Variants in PATJ observed in about 807,000 individuals in gnomAD.
The protein encoded by PATJ is PATJ crumbs cell polarity complex component.
PATJ carries 190 observed loss-of-function variants against 224.9 expected under a neutral mutation model. The observed-to-expected ratio is 0.84, with a 90% CI of 0.75 to 0.95. The LOEUF is 0.95. Among genes scored for constraint, PATJ ranks in the 40% least tolerant of loss-of-function variants. The pLI is 0.00. For synonymous variants in PATJ, 769 were observed against 820.3 expected, an observed-to-expected ratio of 0.94 and a Z score of 1.07; for missense variants, 2,121 against 2,270.3, an observed-to-expected ratio of 0.93 and a Z score of 1.34.
intron 41 of PATJ, 99 bp downstream of exon 41, chr1:62,129,044 T>A: frequency 1.5e-6 from 1 of 688,286 alleles, no homozygotes; most frequent in Non-Finnish European, 2.5e-6. Context: ...CCCAGCAGGG[T>A]GCTTGCTGAT....
At chr1:61,807,337 C>T (rs766309956) in intron 13 of PATJ, among the ~76,000 whole-genome samples, 26 of 152,026 alleles carry the variant, frequency 1.7e-4, no homozygotes, top group Non-Finnish European at 2.9e-4. Flanking sequence ...CCACCACGCT[C>T]GCTTAATTTT....
In PATJ at chr1:62,160,892, T is replaced by A; in HGVS notation, c.5503-16T>A. 6.2e-7 allele frequency: 1 copy of A among 1,613,228 alleles called. No individual in the cohort carries two copies. ...TGTTTTACCCTGGATTAAACTGAAATGTTTCTTGTTTGTAGGGAGCAGCTG... is the reference window on the plus strand; with the variant it reads ...TGTTTTACCCTGGATTAAACTGAAAAGTTTCTTGTTTGTAGGGAGCAGCTG... On this transcript the variant is annotated splice_polypyrimidine_tract_variant and intron_variant, in intron 43 of 43. Transcript: ENST00000642238.
At chr1:61,830,489 AAAACT>A (rs1206363315) in intron 16 of PATJ, among the ~76,000 whole-genome samples, 1 of 144,294 alleles carries the variant, frequency 6.9e-6, no homozygotes, top group Admixed American at 7.0e-5. Flanking sequence ...GAATTAGAAA[AAAACT>A]ATTCTAAAAT....
rs1210494099 is a variant in PATJ at position 62,021,732 on chromosome 1, T to G, written c.3959+3785T>G. 1.9e-4 allele frequency among the ~76,000 whole-genome samples: 29 copies of G among 152,106 alleles called. 1 individual carries two copies. On this transcript the variant is annotated intron_variant, in intron 29 of 43. Coordinates refer to ENST00000642238, the MANE Select transcript of PATJ (RefSeq NM_001350145.3). ...ACATATAGGAGTGATTCTGAATAAT[T>G]ATTTATTATAAGAATCCTGATTTTG...
intron 20 of PATJ, among the ~76,000 whole-genome samples, chr1:61,868,308 CCTCT>C (rs985698556): frequency 2.6e-5 from 4 of 152,274 alleles, no homozygotes; most frequent in South Asian, 2.1e-4. Context: ...TGATCTTTCT[CCTCT>C]CTCTCTATCC....
intron 27 of PATJ, chr1:61,952,501 G>A: frequency 1.4e-6 from 1 of 701,652 alleles, no homozygotes; most frequent in South Asian, 1.5e-5. Flanking sequence ...GGTTTTAAAG[G>A]TTTAGACAAT....
intron 32 of PATJ, among the ~76,000 whole-genome samples, chr1:62,082,893 C>T (rs543911353): frequency 7.2e-5 from 11 of 152,254 alleles, no homozygotes; most frequent in African/African-American, 2.6e-4. Flanking sequence ...GATCTCATCT[C>T]AGCTCTGTGC....
chr1:61,756,145 A>C (rs889059505), intron 1 of PATJ, among the ~76,000 whole-genome samples: 3 of 152,192 alleles, frequency 2.0e-5, no homozygotes, highest in Admixed American at 2.0e-4. Context: ...ATATTGCAGG[A>C]AAGTTTCTAA....
chr1:62,107,803 A>C (rs1663286444), intron 33 of PATJ, among the ~76,000 whole-genome samples: 1 of 152,228 alleles, frequency 6.6e-6, no homozygotes, highest in Non-Finnish European at 1.5e-5. Flanking sequence ...ACTTTTCCCA[A>C]CCAAAGCTTA....
chr1:61,886,086 G>A (rs1452680169), intron 22 of PATJ, among the ~76,000 whole-genome samples: 1 of 151,862 alleles, frequency 6.6e-6, no homozygotes, highest in Non-Finnish European at 1.5e-5. Context: ...TAAATGACGA[G>A]TTAATGGGTG....
intron 14 of PATJ, among the ~76,000 whole-genome samples, chr1:61,816,233 A>G (rs1336350299): frequency 6.6e-6 from 1 of 152,198 alleles, no homozygotes; most frequent in East Asian, 1.9e-4. Context: ...GTTACTGTTC[A>G]GTTACCAGGG....
chr1:62,100,430 G>A lies in PATJ; in HGVS notation c.4378-8007G>A, dbSNP rs1244739637. 3.8e-5 allele frequency: 27 copies of A among 717,556 alleles called. No individual in the cohort carries two copies. In the East Asian group the frequency reaches 7.2e-4, roughly 19 times the overall value. 44.4% of individuals were successfully genotyped at this position (717,556 alleles called of 1,614,324 possible). A position where few individuals can be genotyped will look rare whatever the true frequency, so the allele number is the denominator to read the frequency against. The stretch of plus-strand genomic sequence containing the variant: ...GCAAGTGAGCACATGAGGCAGAGAG[G>A]GAGGGGGGCTGAACTCTTTTTATTA... On this transcript the variant is annotated intron_variant, in intron 33 of 43. Transcript: ENST00000642238.
chr1:62,106,158 GTATATATATATATATA>G lies in PATJ; in HGVS notation c.4378-2265_4378-2250del, dbSNP rs61653676. ...TACATGTGTATATGTGTGTGTGTGTGTATATATATATATATATATATATATATATGGCTGGGCACAG... is the reference window on the plus strand; with the variant it reads ...TACATGTGTATATGTGTGTGTGTGTGTATATATATATATGGCTGGGCACAG... On this transcript the variant is annotated intron_variant, in intron 33 of 43. Transcript: ENST00000642238. 1.9e-4 allele frequency among the ~76,000 whole-genome samples: 9 copies of G among 48,066 alleles called. 3 individuals carry two copies. The highest frequency in any genetic ancestry group is 1.1e-3 in the South Asian group (1 of 930). The allele number at this position is 48,066 out of a possible 152,430, so 31.5% of individuals were successfully genotyped here.
At chr1:61,880,025 A>T (rs1667878436) in intron 21 of PATJ, among the ~76,000 whole-genome samples, 1 of 151,684 alleles carries the variant, frequency 6.6e-6, no homozygotes, top group South Asian at 2.1e-4. Flanking sequence ...TTTAGTAGAG[A>T]TGGGGTTTCA....
chr1:61,816,999 A>T (rs980484534), intron 14 of PATJ, among the ~76,000 whole-genome samples: 1 of 152,212 alleles, frequency 6.6e-6, no homozygotes, highest in African/African-American at 2.4e-5. Flanking sequence ...TATTATTCAG[A>T]TACTGCTAAA....
chr1:62,160,305 C>G lies in PATJ; in HGVS notation c.5503-603C>G, dbSNP rs183120655. Among the ~76,000 whole-genome samples, 776 of 152,002 alleles carry G rather than the reference C, an allele frequency of 5.1e-3. 1 individual carries two copies. Among genetic ancestry groups the G allele is most frequent in the Admixed American group, 8.0e-3 (122 of 15,252 alleles). ...ATAATAAAAGTAGTCATTTAGAAAC[C>G]TATTTAGATGATCAAAGATAAAGTG... On this transcript the variant is annotated intron_variant, in intron 43 of 43. Transcript: ENST00000642238.
At chr1:62,010,047 C>T (rs1191758325) in intron 28 of PATJ, among the ~76,000 whole-genome samples, 2 of 138,550 alleles carry the variant, frequency 1.4e-5, no homozygotes, top group African/African-American at 5.6e-5. Flanking sequence ...CGTACCATTG[C>T]ACTCCAGCCT....
intron 16 of PATJ, 131 bp downstream of exon 16, chr1:61,827,714 A>G: frequency 1.5e-6 from 1 of 678,638 alleles, no homozygotes; most frequent in Non-Finnish European, 2.2e-6. Context: ...TAAGGCAACA[A>G]TGCATAGCTT....
intron 41 of PATJ, among the ~76,000 whole-genome samples, chr1:62,129,669 G>A (rs1419617606): frequency 5.3e-5 from 8 of 152,210 alleles, no homozygotes; most frequent in South Asian, 4.1e-4. Flanking sequence ...GGCTAGGCGC[G>A]GTGGCCCACG....
Sources: allele counts gnomAD v4.1 joint callset (sites outside exome capture counted in the v4.1 genomes callset), GRCh38; gene constraint gnomAD v4.1.1; transcripts MANE v1.5; gene names NCBI Gene and HGNC (gene_info 2026-07-23, HGNC 2026-07-21).